The following FAM110C variants were observed in gnomAD, a reference collection of about 807,000 sequenced individuals.
FAM110C encodes family with sequence similarity 110 member C, also known as protein FAM110C.
FAM110C carries 19 observed loss-of-function variants against 15.7 expected under a neutral mutation model. The ratio of observed to expected loss-of-function variants is 1.21; its 90% CI spans 0.85 to 1.78. The LOEUF (loss-of-function observed/expected upper bound fraction) is 1.78, where lower values mean the gene tolerates loss of function less well. Ranked by LOEUF, FAM110C falls within the 40% of genes most tolerant of loss-of-function variation. The probability of loss-of-function intolerance (pLI) is 0.00; values close to 1 mark genes in which losing one functional copy is unlikely to be tolerated. For missense variants in FAM110C, 547 were observed against 495.7 expected (o/e 1.10, Z -0.98); for synonymous variants, 275 against 233.9 (o/e 1.18, Z -1.61).
In FAM110C at chr2:46,317, G is replaced by A; in HGVS notation, c.69C>T (p.Thr23=). Residue 23 remains threonine, a synonymous_variant, in exon 1 of 2, where the codon ACC becomes ACT. Transcript: ENST00000327669. ...CCGGCCGCGCGGCGTCGGGGTCCCG[G>A]GTAGCCGCGGGGTCCCGGGGAAGGA... The part of the protein sequence containing the change: ...ERLLPRDPAA[T]RDPDAARPAR... The A allele has an allele frequency of 1.5e-6, 2 of 1,328,040 alleles. No homozygotes were observed. The highest frequency in any genetic ancestry group is 1.9e-6 in the Non-Finnish European group (2 of 1,046,328). 82.3% of individuals were successfully genotyped at this position (1,328,040 alleles called of 1,614,324 possible).
Position 45,937 on chromosome 2 carries a change from T to C in FAM110C, c.449A>G (p.Glu150Gly). ...TGDEGKAGNP[E>G]TVPTTPGPAA... Reference sequence around the variant, plus strand: ...GGGGCCAGGAGTGGTCGGGACCGTCTCCGGGTTCCCGGCCTTGCCCTCGTC... The same window carrying C: ...GGGGCCAGGAGTGGTCGGGACCGTCCCCGGGTTCCCGGCCTTGCCCTCGTC... Residue 150 changes from glutamate (E) to glycine (G), a missense_variant, in exon 1 of 2, where the codon GAG (glutamate) becomes GGG (glycine). Physicochemically the swap from Glu to Gly is moderately conservative, Grantham distance 98. Transcript: ENST00000327669. 7.0e-7 allele frequency: 1 copy of C among 1,419,238 alleles called. No individual in the cohort carries two copies. Among genetic ancestry groups the C allele is most frequent in the Non-Finnish European group, 9.1e-7 (1 of 1,096,470 alleles). 87.9% of individuals were successfully genotyped at this position (1,419,238 alleles called of 1,614,324 possible).
chr2:46,461 G>C lies in FAM110C; in HGVS notation c.-76C>G, dbSNP rs1012759032. 2.9e-5 allele frequency: 34 copies of C among 1,163,662 alleles called. No homozygotes were observed. The highest frequency in any genetic ancestry group is 3.5e-5 in the Non-Finnish European group (32 of 920,704). 72.1% of individuals were successfully genotyped at this position (1,163,662 alleles called of 1,614,324 possible). ...CGAGTGGTAGAGCCAGTCAGTCCCA[G>C]GGCCGGTTCCGAAGTCCGCGCCGGG... On this transcript the variant is annotated 5_prime_UTR_variant, in exon 1 of 2. Transcript: ENST00000327669.
chr2:44,399 C>G, intron 1 of FAM110C: 1 of 985,426 alleles, frequency 1.0e-6, no homozygotes, highest in Non-Finnish European at 1.2e-6. Flanking sequence ...GCAAACATCT[C>G]TTGGGCAGCC....
In FAM110C at chr2:39,598, T is replaced by C. The variant is rs537145729; in HGVS notation, c.*2010A>G. 5 of 152,184 alleles carry C rather than the reference T, an allele frequency of 3.3e-5. No homozygotes were observed. Among genetic ancestry groups the C allele is most frequent in the Admixed American group, 2.0e-4 (3 of 15,278 alleles). The allele number at this position is 152,184 out of a possible 1,614,324, so 9.4% of individuals were successfully genotyped here. A position where few individuals can be genotyped will look rare whatever the true frequency, so the allele number is the denominator to read the frequency against. On this transcript the variant is annotated 3_prime_UTR_variant, in exon 2 of 2. Coordinates refer to ENST00000327669, the MANE Select transcript of FAM110C (RefSeq NM_001077710.3). ...CTAGAATTCACTCCAGCTGAATTCT[T>C]CTCTTTTCCTGTGCCACCACCAAAG...
intron 1 of FAM110C, 128 bp from the exon 2 acceptor site, chr2:41,755 C>T: frequency 8.7e-6 from 12 of 1,379,120 alleles, no homozygotes; most frequent in Non-Finnish European, 9.4e-6. Flanking sequence ...CATTTTGAAA[C>T]ATCTTCTTTT....
Position 45,526 on chromosome 2 carries a change from A to T in FAM110C, c.860T>A (p.Ile287Asn). The T allele has an allele frequency of 6.2e-7, 1 of 1,614,046 alleles. No individual in the cohort carries two copies. The highest frequency in any genetic ancestry group is 8.5e-7 in the Non-Finnish European group (1 of 1,180,018). The change falls in exon 1 of 2, where the codon ATC (isoleucine) becomes AAC (asparagine). Residue 287 changes from isoleucine (I) to asparagine (N), a missense_variant. Transcript: ENST00000327669. ...CTTGATGATGCGGGCGTTCCTCTCG[A>T]TGACCGAAGTGGTGCTGGGCACCTG... is the stretch of plus-strand genomic sequence containing the variant. ...IEQVPSTTSV[I>N]ERNARIIKWL...
chr2:46,076 G>C lies in FAM110C; in HGVS notation c.310C>G (p.Arg104Gly). ...PLRPDSLIIY[R>G]QKCEFVRGSG... ...CCTCGCACGAATTCGCATTTCTGCCGGTAGATGATCAGCGAGTCCGGTCTC... is the reference window on the plus strand; with the variant it reads ...CCTCGCACGAATTCGCATTTCTGCCCGTAGATGATCAGCGAGTCCGGTCTC... Residue 104 changes from arginine (R) to glycine (G), a missense_variant, in exon 1 of 2, where the codon CGG (arginine) becomes GGG (glycine). By Grantham distance (125) the Arg-to-Gly change is moderately radical (BLOSUM62 -2). Transcript: ENST00000327669. The C allele has an allele frequency of 1.3e-6, 2 of 1,525,358 alleles. No homozygotes were observed. The highest frequency in any genetic ancestry group is 2.4e-5 in the South Asian group (2 of 82,540). The allele number at this position is 1,525,358 out of a possible 1,614,324, so 94.5% of individuals were successfully genotyped here. A position where few individuals can be genotyped will look rare whatever the true frequency, so the allele number is the denominator to read the frequency against.
Position 43,880 on chromosome 2 carries a change from A to G in FAM110C, c.946+1560T>C, listed in dbSNP as rs531693955. 5.1e-6 allele frequency: 5 copies of G among 985,406 alleles called. No individual in the cohort carries two copies. In the East Asian group the frequency reaches 5.7e-4, roughly 112 times the overall value. The allele number at this position is 985,406 out of a possible 1,614,324, so 61.0% of individuals were successfully genotyped here. ...GGGTTTCAGTCATGCAACACAGATT[A>G]TTACTACACAGACTAGAAAATGTAG... On this transcript the variant is annotated intron_variant, in intron 1 of 1. Coordinates refer to ENST00000327669, the MANE Select transcript of FAM110C (RefSeq NM_001077710.3).
intron 1 of FAM110C, chr2:42,789 C>G: frequency 1.0e-6 from 1 of 971,984 alleles, no homozygotes; most frequent in Non-Finnish European, 1.2e-6. Context: ...TTTGTTTTCT[C>G]TTTCACTTAG....
At position 45,630 on chromosome 2, in the gene FAM110C, G is replaced by A. The variant is rs1187839144; in HGVS notation, c.756C>T (p.Ser252=). Residue 252 remains serine, a synonymous_variant, in exon 1 of 2, where the codon AGC becomes AGT. Transcript: ENST00000327669. ...AGAAGCCGCTGCCGGAGGTGGCGAC[G>A]CTCACGCTGCGCACCTTGAGGGTCA... is the stretch of plus-strand genomic sequence containing the variant. ...DCVTLKVRSV[S]VATSGSGFSR... 4 of 1,612,816 alleles carry A rather than the reference G, an allele frequency of 2.5e-6. No homozygotes were observed. The highest frequency in any genetic ancestry group is 3.4e-6 in the Non-Finnish European group (4 of 1,179,700).
chr2:41,562 G>A lies in FAM110C; in HGVS notation c.*46C>T. 6.2e-7 allele frequency: 1 copy of A among 1,612,298 alleles called. No homozygotes were observed. The highest frequency in any genetic ancestry group is 8.5e-7 in the Non-Finnish European group (1 of 1,178,964). On this transcript the variant is annotated 3_prime_UTR_variant, in exon 2 of 2. Transcript: ENST00000327669. ...GTCACCTAGGCACACTAGCCAAATG[G>A]TCCTGGGATCCCAAATCACCCATGA...
In FAM110C at chr2:46,173, C is replaced by T; in HGVS notation, c.213G>A (p.Pro71=). 4 of 1,393,870 alleles carry T rather than the reference C, an allele frequency of 2.9e-6. No homozygotes were observed. The highest frequency in any genetic ancestry group is 3.7e-6 in the Non-Finnish European group (4 of 1,079,936). The allele number at this position is 1,393,870 out of a possible 1,614,324, so 86.3% of individuals were successfully genotyped here. A position where few individuals can be genotyped will look rare whatever the true frequency, so the allele number is the denominator to read the frequency against. ...EGSGPGAIKC[P]GNDPGPPARA... ...GGGCCGGGGGCCCAGGGTCGTTCCC[C>T]GGGCACTTGATCGCCCCCGGGCCGC... is the stretch of plus-strand genomic sequence containing the variant. Residue 71 remains proline, a synonymous_variant, in exon 1 of 2, where the codon CCG becomes CCA. Coordinates refer to ENST00000327669, the MANE Select transcript of FAM110C (RefSeq NM_001077710.3).
chr2:46,368 G>A lies in FAM110C; in HGVS notation c.18C>T (p.Ala6=), dbSNP rs559261610. 505 of 1,299,100 alleles carry A rather than the reference G, an allele frequency of 3.9e-4. 1 individual carries two copies. The highest frequency in any genetic ancestry group is 1.0e-3 in the Admixed American group (24 of 23,804). The allele number at this position is 1,299,100 out of a possible 1,614,324, so 80.5% of individuals were successfully genotyped here. ...GCCGCTCGTTCGGGGGCGCGCTCAGGGCCGCCAGGGCGCGCATCTTCGCGG... is the reference window on the plus strand; with the variant it reads ...GCCGCTCGTTCGGGGGCGCGCTCAGAGCCGCCAGGGCGCGCATCTTCGCGG... MRALA[A]LSAPPNERLL... is the part of the protein sequence containing the mutation. The change falls in exon 1 of 2, where the codon GCC becomes GCT. Residue 6 remains alanine (A), a synonymous_variant. Coordinates refer to ENST00000327669, the MANE Select transcript of FAM110C (RefSeq NM_001077710.3).
rs377374736 is a variant in FAM110C, at chr2:45,422, A to T, written c.946+18T>A. 8.8e-6 allele frequency: 14 copies of T among 1,590,102 alleles called. No individual in the cohort carries two copies. In the African/African-American group the frequency reaches 1.5e-4, roughly 17 times the overall value. On this transcript the variant is annotated intron_variant, in intron 1 of 1. Coordinates refer to ENST00000327669, the MANE Select transcript of FAM110C (RefSeq NM_001077710.3). The stretch of plus-strand genomic sequence containing the variant: ...CCCGCACACGGCCAGCCCCGCCCCC[A>T]GCCTTCTGGGCACACACCTCGGGTC...
chr2:39,640 A>G lies in FAM110C; in HGVS notation c.*1968T>C, dbSNP rs1664075036. ...CCACCAAAGGTGCAAACATTTCTAA[A>G]AGATCTTGGTGGCTTTAGTGGAAAC... On this transcript the variant is annotated 3_prime_UTR_variant, in exon 2 of 2. Coordinates refer to ENST00000327669, the MANE Select transcript of FAM110C (RefSeq NM_001077710.3). The G allele has an allele frequency of 6.6e-6, 1 of 152,152 alleles. No individual in the cohort carries two copies. The highest frequency in any genetic ancestry group is 1.9e-4 in the East Asian group (1 of 5,194). 9.4% of individuals were successfully genotyped at this position (152,152 alleles called of 1,614,324 possible). A position where few individuals can be genotyped will look rare whatever the true frequency, so the allele number is the denominator to read the frequency against.
chr2:45,378 A>C, intron 1 of FAM110C, 62 bp downstream of exon 1: 1 of 1,537,522 alleles, frequency 6.5e-7, no homozygotes. Context: ...GCTCGGTCAC[A>C]CTCACCAAGA....
chr2:43,557 T>G, intron 1 of FAM110C: 1 of 985,444 alleles, frequency 1.0e-6, no homozygotes, highest in Non-Finnish European at 1.2e-6. Flanking sequence ...TAAAAGGTCT[T>G]TAGGATTTAG....
Position 41,492 on chromosome 2 carries a change from T to G in FAM110C, c.*116A>C. 8.2e-7 allele frequency: 1 copy of G among 1,217,594 alleles called. No homozygotes were observed. Among genetic ancestry groups the G allele is most frequent in the Non-Finnish European group, 1.2e-6 (1 of 855,266 alleles). The allele number at this position is 1,217,594 out of a possible 1,614,324, so 75.4% of individuals were successfully genotyped here. A position where few individuals can be genotyped will look rare whatever the true frequency, so the allele number is the denominator to read the frequency against. On this transcript the variant is annotated 3_prime_UTR_variant, in exon 2 of 2. Coordinates refer to ENST00000327669, the MANE Select transcript of FAM110C (RefSeq NM_001077710.3). ...TTTTAAACCTTCTCAGAGCACTTGTTTTGTCAATGGGATGCTGCATTCCTG... is the reference window on the plus strand; with the variant it reads ...TTTTAAACCTTCTCAGAGCACTTGTGTTGTCAATGGGATGCTGCATTCCTG...
intron 1 of FAM110C, chr2:43,902 G>A (rs1405241581): frequency 1.0e-6 from 1 of 985,314 alleles, no homozygotes; most frequent in African/African-American, 1.7e-5. Context: ...ACTAGAAAAT[G>A]TAGAGGTTGA....
Sources: allele counts gnomAD v4.1 joint callset, GRCh38; gene constraint gnomAD v4.1.1; transcripts MANE v1.5; gene names NCBI Gene and HGNC (gene_info 2026-07-23, HGNC 2026-07-21).